The following TUB variants were observed in gnomAD, a reference collection of about 807,000 sequenced individuals.
TUB encodes TUB bipartite transcription factor.
TUB carries 33 observed loss-of-function variants against 59.7 expected under a neutral mutation model. That is an observed-to-expected ratio of 0.55 (90% CI 0.42 to 0.74). The LOEUF is 0.74. Ranked by LOEUF, TUB falls within the 30% of genes least tolerant of loss-of-function variation. The pLI, the probability that TUB is intolerant of heterozygous loss-of-function variation, is 0.00. For missense variants in TUB, 659 were observed against 672.0 expected (o/e 0.98, Z 0.21); for synonymous variants, 293 against 256.4 (o/e 1.14, Z -1.36).
At chr11:8,072,181 C>T (rs953500897) in intron 2 of TUB, among the ~76,000 whole-genome samples, 4 of 152,088 alleles carry the variant, frequency 2.6e-5, no homozygotes, top group East Asian at 1.9e-4. Flanking sequence ...GAGGCAGAGG[C>T]GGGTACTGCC....
rs1465224940 is a variant in TUB at position 8,038,906 on chromosome 11, G to A, written c.33G>A (p.Trp11Ter). Residue 11 changes from tryptophan to a stop codon, truncating the protein, a stop_gained, in exon 1 of 13, where the codon TGG (tryptophan) becomes TGA (stop). Coordinates refer to the TUB transcript ENST00000305253. LOFTEE classifies it high-confidence loss of function. ...CCAGGACACCTTTGCCTTCTTTCTG[G>A]GTTTCTTTCTTTGCCGAGACAGGGA... The A allele has an allele frequency of 3.1e-6, 5 of 1,614,060 alleles. No homozygotes were observed. Among genetic ancestry groups the A allele is most frequent in the African/African-American group, 1.3e-5 (1 of 75,012 alleles).
At chr11:8,101,083 A>G in intron 11 of TUB, 86 bp downstream of exon 11, 3 of 1,475,952 alleles carry the variant, frequency 2.0e-6, no homozygotes, top group Middle Eastern at 1.8e-4. Flanking sequence ...CCCTGCCTAC[A>G]CTGGCTAGAG....
chr11:8,097,606 T>C (rs76884222), intron 7 of TUB, 108 bp from the exon 8 acceptor site: 4 of 1,300,610 alleles, frequency 3.1e-6, no homozygotes, highest in Admixed American at 3.6e-5. Context: ...TGTGCACATA[T>C]GTGCGTTTGG....
intron 1 of TUB, among the ~76,000 whole-genome samples, chr11:8,083,829 GC>G (rs1472860680): frequency 6.6e-6 from 1 of 152,192 alleles, no homozygotes; most frequent in Non-Finnish European, 1.5e-5. Flanking sequence ...GATCCCCCCT[GC>G]CCTGCTGGGG....
chr11:8,072,139 A>T (rs1338151382), intron 2 of TUB, among the ~76,000 whole-genome samples: 2 of 152,166 alleles, frequency 1.3e-5, no homozygotes, highest in Non-Finnish European at 2.9e-5. Flanking sequence ...CGGGAGAGAG[A>T]CACAGTGATG....
At chr11:8,038,062 A>T (rs1252656183), upstream of TUB, among the ~76,000 whole-genome samples, 14 of 152,182 alleles carry the variant, frequency 9.2e-5, no homozygotes, top group Non-Finnish European at 1.8e-4. Flanking sequence ...GACAGGGAAA[A>T]GCAGAAAGCT....
intron 1 of TUB, among the ~76,000 whole-genome samples, chr11:8,083,854 G>A (rs922804268): frequency 2.0e-5 from 3 of 152,178 alleles, no homozygotes; most frequent in Admixed American, 6.5e-5. Context: ...TTCTGGGCAC[G>A]CACTGAGTGT....
intron 3 of TUB, among the ~76,000 whole-genome samples, chr11:8,092,121 G>T (rs1361805528): frequency 6.6e-6 from 1 of 152,232 alleles, no homozygotes; most frequent in Admixed American, 6.5e-5. Flanking sequence ...TACAACTAGC[G>T]CCTCTGGCGT....
At chr11:8,032,651 C>T (rs1423985871) in intron 1 of TUB, among the ~76,000 whole-genome samples, 2 of 150,336 alleles carry the variant, frequency 1.3e-5, no homozygotes, top group Non-Finnish European at 3.0e-5. Flanking sequence ...TCCCTCACAC[C>T]TGGGCACCTA....
chr11:8,066,612 G>T (rs761769857), intron 2 of TUB, among the ~76,000 whole-genome samples: 1 of 152,160 alleles, frequency 6.6e-6, no homozygotes, highest in Non-Finnish European at 1.5e-5. Context: ...GGGCAACACC[G>T]CTCAGCAGCT....
chr11:8,031,999 C>T (rs1243118534), intron 1 of TUB, among the ~76,000 whole-genome samples: 2 of 152,102 alleles, frequency 1.3e-5, no homozygotes, highest in South Asian at 4.1e-4. Flanking sequence ...GTTTCCTGCT[C>T]GGGAAGGGGC....
chr11:8,021,156 G>C (rs1474496391), intron 1 of TUB, among the ~76,000 whole-genome samples: 2 of 152,202 alleles, frequency 1.3e-5, no homozygotes, highest in Non-Finnish European at 1.5e-5. Flanking sequence ...TTGGGGAAGT[G>C]TTGTGAGTAT....
chr11:8,068,280 C>T (rs1037297595), intron 2 of TUB: 3 of 152,354 alleles, frequency 2.0e-5, no homozygotes, highest in Non-Finnish European at 4.4e-5. Flanking sequence ...ACCTCAGGCC[C>T]CTCCTGGGCC....
intron 11 of TUB, 36 bp from the exon 12 acceptor site, chr11:8,101,450 G>A (rs1267341027): frequency 6.2e-7 from 1 of 1,606,750 alleles, no homozygotes; most frequent in East Asian, 2.3e-5. Flanking sequence ...TTCCTGTCCT[G>A]TCCTTTTCTC....
At chr11:8,093,971 C>CAAAAA (rs1282852924) in intron 3 of TUB, 75 bp from the exon 4 acceptor site, 176 of 1,581,424 alleles carry the variant, frequency 1.1e-4, no homozygotes, top group Non-Finnish European at 1.5e-4. Flanking sequence ...GTGCTGGGGA[C>CAAAAA]TGTGTTCAGG....
At chr11:8,048,647 C>A (rs989768089) in intron 2 of TUB, among the ~76,000 whole-genome samples, 2 of 152,142 alleles carry the variant, frequency 1.3e-5, no homozygotes, top group Non-Finnish European at 2.9e-5. Context: ...CTCAAGCAAT[C>A]CTCCCAACTT....
chr11:8,060,294 G>A (rs1250920515), intron 2 of TUB, among the ~76,000 whole-genome samples: 1 of 152,200 alleles, frequency 6.6e-6, no homozygotes, highest in Non-Finnish European at 1.5e-5. Context: ...CCTTGTTTCT[G>A]GAAGGGGTGC....
upstream of TUB, chr11:8,038,485 G>T: frequency 2.3e-6 from 1 of 440,356 alleles, no homozygotes; most frequent in Non-Finnish European, 3.1e-6. Context: ...ATGTGTCCTC[G>T]GTGGTTCCTC....
chr11:8,087,749 G>A (rs1943695403), intron 1 of TUB, among the ~76,000 whole-genome samples: 1 of 152,254 alleles, frequency 6.6e-6, no homozygotes, highest in African/African-American at 2.4e-5. Context: ...TATTCAGTCA[G>A]GCTGTTGGCT....
Sources: gnomAD v4.1 joint callset for allele counts (sites outside exome capture counted in the v4.1 genomes callset) on GRCh38, gnomAD v4.1.1 for gene constraint, MANE v1.5 for transcripts, NCBI Gene and HGNC (gene_info 2026-07-23, HGNC 2026-07-21) for gene names.